Variants in ACTR5 observed in about 807,000 individuals in gnomAD.
The protein encoded by ACTR5 is actin related protein 5.
ACTR5 carries 43 observed loss-of-function variants against 61.2 expected under a neutral mutation model. The ratio of observed to expected loss-of-function variants is 0.70; its 90% confidence interval spans 0.55 to 0.91. ACTR5 has a LOEUF of 0.91. Among genes scored for constraint, ACTR5 ranks in the 40% least tolerant of loss-of-function variants. ACTR5 has a pLI of 0.00. For missense variants in ACTR5, 798 were observed against 782.2 expected (o/e 1.02, Z -0.24); for synonymous variants, 333 against 310.5 (o/e 1.07, Z -0.76).
Position 38,771,726 on chromosome 20 carries a change from C to T in ACTR5, c.1734C>T (p.Arg578=). The change falls in exon 9 of 9, where the codon CGC becomes CGT. Residue 578 remains arginine, a synonymous_variant. Coordinates refer to ENST00000243903, the MANE Select transcript of ACTR5 (RefSeq NM_024855.4). The part of the protein sequence containing the change: ...HCASNIYVPI[R]LPKQASRSSD... ...CTTCCAACATCTATGTCCCCATCCGCCTGCCGAAGCAGGCCTCCCGCTCCT... is the reference window on the plus strand; with the variant it reads ...CTTCCAACATCTATGTCCCCATCCGTCTGCCGAAGCAGGCCTCCCGCTCCT... The T allele has an allele frequency of 6.2e-7, 1 of 1,614,230 alleles. No individual in the cohort carries two copies. Among genetic ancestry groups the T allele is most frequent in the Non-Finnish European group, 8.5e-7 (1 of 1,180,028 alleles).
chr20:38,755,923 C>G lies in ACTR5; in HGVS notation c.1060C>G (p.Pro354Ala). The G allele has an allele frequency of 6.2e-7, 1 of 1,614,128 alleles. No individual in the cohort carries two copies. The highest frequency in any genetic ancestry group is 8.5e-7 in the Non-Finnish European group (1 of 1,180,024). ...TCTGATAGAGCTGAATATGGACTCC[C>G]CAGAAGAGCTGCAGTCCTACATCCA... Reference protein sequence around the residue: ...KALIELNMDSPEELQSYIQKL... With the variant: ...KALIELNMDSAEELQSYIQKL... The change falls in exon 5 of 9, where the codon CCA becomes GCA. Residue 354 changes from proline to alanine, a missense_variant. Coordinates refer to ENST00000243903, the MANE Select transcript of ACTR5 (RefSeq NM_024855.4).
In ACTR5 at chr20:38,755,931, G is replaced by C; in HGVS notation, c.1068G>C (p.Glu356Asp). The C allele has an allele frequency of 6.2e-7, 1 of 1,614,228 alleles. No individual in the cohort carries two copies. Among genetic ancestry groups the C allele is most frequent in the Non-Finnish European group, 8.5e-7 (1 of 1,180,046 alleles). Residue 356 changes from glutamate to aspartate, a missense_variant, in exon 5 of 9, where the codon GAG (glutamate) becomes GAC (aspartate). By Grantham distance (45) the Glu-to-Asp change is conservative. Transcript: ENST00000243903. ...LIELNMDSPE[E>D]LQSYIQKLSI... Reference sequence around the variant, plus strand: ...AGCTGAATATGGACTCCCCAGAAGAGCTGCAGTCCTACATCCAGAAGCTCA... The same window carrying C: ...AGCTGAATATGGACTCCCCAGAAGACCTGCAGTCCTACATCCAGAAGCTCA...
Position 38,765,383 on chromosome 20 carries a change from ATT to A in ACTR5, c.1177-16_1177-15del. 1 of 1,593,778 alleles carries A rather than the reference ATT, an allele frequency of 6.3e-7. No individual in the cohort carries two copies. Among genetic ancestry groups the A allele is most frequent in the Non-Finnish European group, 8.6e-7 (1 of 1,161,588 alleles). ...CTGCTGAAGGTACAGGTTCTGTTTC[ATT>A]TTGCTCCTTCTCTTAGACCCCTGAC... On this transcript the variant is annotated splice_polypyrimidine_tract_variant and intron_variant, in intron 5 of 8. Transcript: ENST00000243903.
At chr20:38,766,939 T>A (rs1273776164) in intron 7 of ACTR5, among the ~76,000 whole-genome samples, 2 of 152,224 alleles carry the variant, frequency 1.3e-5, no homozygotes, top group Admixed American at 1.3e-4. Flanking sequence ...AAGAAAAAGC[T>A]GTTGCTGCTA....
intron 5 of ACTR5, among the ~76,000 whole-genome samples, chr20:38,757,245 A>G (rs573966667): frequency 5.0e-4 from 76 of 152,312 alleles, no homozygotes; most frequent in African/African-American, 1.8e-3. Context: ...GTGTCGAAGT[A>G]GCCAAAAGAG....
At position 38,751,220 on chromosome 20, in the gene ACTR5, C is replaced by T. The variant is rs570464927; in HGVS notation, c.606-911C>T. Among the ~76,000 whole-genome samples the T allele has an allele frequency of 1.3e-3, 202 of 152,138 alleles. 4 individuals carry two copies. The South Asian group carries it at 0.039, about 29-fold the overall frequency. ...AACTTCCTCACTTCATTTCCTGATACGTAAAATTGGGAAAAACTGATTTCC... is the reference window on the plus strand; with the variant it reads ...AACTTCCTCACTTCATTTCCTGATATGTAAAATTGGGAAAAACTGATTTCC... On this transcript the variant is annotated intron_variant, in intron 2 of 8. Coordinates refer to ENST00000243903, the MANE Select transcript of ACTR5 (RefSeq NM_024855.4).
At chr20:38,758,192 G>C (rs1002047662) in intron 5 of ACTR5, among the ~76,000 whole-genome samples, 4 of 152,120 alleles carry the variant, frequency 2.6e-5, no homozygotes, top group South Asian at 2.1e-4. Flanking sequence ...GTCTGCATTT[G>C]TTACATGATG....
chr20:38,755,551 A>T (rs555051030), intron 4 of ACTR5, among the ~76,000 whole-genome samples: 1 of 151,622 alleles, frequency 6.6e-6, no homozygotes, highest in South Asian at 2.1e-4. Context: ...GGCTCCTTTC[A>T]TGTCTCCTCT....
Position 38,771,902 on chromosome 20 carries a change from C to T in ACTR5, c.*86C>T. 1.3e-6 allele frequency: 2 copies of T among 1,491,312 alleles called. No individual in the cohort carries two copies. The highest frequency in any genetic ancestry group is 1.8e-6 in the Non-Finnish European group (2 of 1,120,220). The allele number at this position is 1,491,312 out of a possible 1,614,324, so 92.4% of individuals were successfully genotyped here. On this transcript the variant is annotated 3_prime_UTR_variant, in exon 9 of 9. Coordinates refer to ENST00000243903, the MANE Select transcript of ACTR5 (RefSeq NM_024855.4). Reference sequence around the variant, plus strand: ...CAGGACTGTGATTGTGCTAGATGTACCTGCCCAAGTCTGCTGGTCACATTT... The same window carrying T: ...CAGGACTGTGATTGTGCTAGATGTATCTGCCCAAGTCTGCTGGTCACATTT...
chr20:38,771,480 C>A (rs757161343), intron 8 of ACTR5, 79 bp from the exon 9 acceptor site: 39 of 1,544,188 alleles, frequency 2.5e-5, no homozygotes, highest in Non-Finnish European at 3.4e-5. Context: ...GATAAAATAT[C>A]GGGGGCTGTA....
chr20:38,768,281 T>A (rs1448697636), intron 8 of ACTR5, among the ~76,000 whole-genome samples: 1 of 152,180 alleles, frequency 6.6e-6, no homozygotes, highest in African/African-American at 2.4e-5. Context: ...ACAGTGGGCC[T>A]GCATGTAATA....
rs35805905 is a variant in ACTR5 at position 38,766,325 on chromosome 20, A to G, written c.1381A>G (p.Ile461Val). The G allele has an allele frequency of 6.2e-7, 1 of 1,614,074 alleles. No homozygotes were observed. Among genetic ancestry groups the G allele is most frequent in the Non-Finnish European group, 8.5e-7 (1 of 1,180,018 alleles). The change falls in exon 7 of 9, where the codon ATA (isoleucine) becomes GTA (valine). Residue 461 changes from isoleucine (I) to valine (V), a missense_variant. Transcript: ENST00000243903. ...APEIIFQPSL[I>V]GEEQAGIAET... Reference sequence around the variant, plus strand: ...AGAGATTATTTTCCAGCCATCTCTCATAGGAGAAGAACAGGCTGGGATTGC... The same window carrying G: ...AGAGATTATTTTCCAGCCATCTCTCGTAGGAGAAGAACAGGCTGGGATTGC...
At chr20:38,752,105 T>C in intron 2 of ACTR5, 26 bp from the exon 3 acceptor site, 1 of 1,600,550 alleles carries the variant, frequency 6.2e-7, no homozygotes, top group Admixed American at 1.7e-5. Context: ...GAAATTTCAG[T>C]GCTGTTTTCT....
At position 38,748,646 on chromosome 20, in the gene ACTR5, G is replaced by T; in HGVS notation, c.168G>T (p.Glu56Asp). The T allele has an allele frequency of 6.6e-7, 1 of 1,517,772 alleles. No individual in the cohort carries two copies. Among genetic ancestry groups the T allele is most frequent in the Non-Finnish European group, 8.8e-7 (1 of 1,135,596 alleles). The allele number at this position is 1,517,772 out of a possible 1,614,324, so 94.0% of individuals were successfully genotyped here. A position where few individuals can be genotyped will look rare whatever the true frequency, so the allele number is the denominator to read the frequency against. ...WACPGQDPGP[E>D]PRLQFRAVCA... ...GTCCCGGGCAGGACCCAGGTCCCGAGCCGCGCCTGCAGTTCCGCGCGGTGT... is the reference window on the plus strand; with the variant it reads ...GTCCCGGGCAGGACCCAGGTCCCGATCCGCGCCTGCAGTTCCGCGCGGTGT... The change falls in exon 1 of 9, where the codon GAG becomes GAT. Residue 56 changes from glutamate to aspartate, a missense_variant. By Grantham distance (45) the Glu-to-Asp change is conservative (BLOSUM62 2). Transcript: ENST00000243903.
At chr20:38,765,145 G>A (rs2145675298) in intron 5 of ACTR5, among the ~76,000 whole-genome samples, 1 of 152,344 alleles carries the variant, frequency 6.6e-6, no homozygotes, top group South Asian at 2.1e-4. Flanking sequence ...ACCATCAGAA[G>A]GCTTTAGAGA....
At chr20:38,756,122 G>A (rs982347689) in intron 5 of ACTR5, 83 bp downstream of exon 5, 1 of 1,419,420 alleles carries the variant, frequency 7.0e-7, no homozygotes, top group African/African-American at 1.4e-5. Flanking sequence ...GTTGTGCCCA[G>A]AGTCAGGAGG....
Position 38,771,888 on chromosome 20 carries a change from T to C in ACTR5, c.*72T>C. The C allele has an allele frequency of 2.0e-6, 3 of 1,522,550 alleles. No homozygotes were observed. The highest frequency in any genetic ancestry group is 2.7e-5 in the African/African-American group (2 of 73,078). 94.3% of individuals were successfully genotyped at this position (1,522,550 alleles called of 1,614,324 possible). On this transcript the variant is annotated 3_prime_UTR_variant, in exon 9 of 9. Transcript: ENST00000243903. ...CGTTGGCAGTGTGACAGGACTGTGA[T>C]TGTGCTAGATGTACCTGCCCAAGTC...
chr20:38,749,160 C>G (rs1347834411), intron 1 of ACTR5, among the ~76,000 whole-genome samples: 1 of 152,216 alleles, frequency 6.6e-6, no homozygotes, highest in Non-Finnish European at 1.5e-5. Flanking sequence ...ACAAAACTTC[C>G]TGTGCTTATG....
In ACTR5 at chr20:38,754,755, AT is replaced by A. The variant is rs970451014; in HGVS notation, c.776-195del. 4.6e-5 allele frequency among the ~76,000 whole-genome samples: 7 copies of A among 151,566 alleles called. No individual in the cohort carries two copies. In the East Asian group the frequency reaches 6.0e-4, roughly 13 times the overall value. On this transcript the variant is annotated intron_variant, in intron 3 of 8. Coordinates refer to ENST00000243903, the MANE Select transcript of ACTR5 (RefSeq NM_024855.4). ...AGGTGCCCGCCACCACGCATGGCTA[AT>A]TTTTTTGTATTTTTAGTAGAGACAG...
Sources: allele counts gnomAD v4.1 joint callset (sites outside exome capture counted in the v4.1 genomes callset), GRCh38; gene constraint gnomAD v4.1.1; transcripts MANE v1.5; gene names NCBI Gene and HGNC (gene_info 2026-07-23, HGNC 2026-07-21).